CFAP20DC: variants seen among roughly 807,000 people sequenced by gnomAD.
CFAP20DC encodes protein CFAP20DC.
CFAP20DC carries 84 observed loss-of-function variants against 101.7 expected under a neutral mutation model. The observed-to-expected ratio is 0.83, with a 90% confidence interval of 0.69 to 0.99. The LOEUF (loss-of-function observed/expected upper bound fraction) is 0.99, where lower values mean the gene tolerates loss of function less well. Ranked by LOEUF, CFAP20DC falls within the 50% of genes least tolerant of loss-of-function variation. The probability of loss-of-function intolerance (pLI) is 0.00; values close to 1 mark genes in which losing one functional copy is unlikely to be tolerated. For synonymous variants in CFAP20DC, 359 were observed against 351.2 expected, an observed-to-expected ratio of 1.02 and a Z score of -0.25; for missense variants, 1,007 against 970.3, an observed-to-expected ratio of 1.04 and a Z score of -0.50.
At chr3:58,762,664 C>T (rs143922725) in intron 15 of CFAP20DC, among the ~76,000 whole-genome samples, 63 of 152,106 alleles carry the variant, frequency 4.1e-4, no homozygotes, top group South Asian at 2.3e-3. Context: ...ATGTTTTTGC[C>T]GTGGCTGGTA....
At chr3:58,836,092 C>T (rs745373367) in intron 13 of CFAP20DC, among the ~76,000 whole-genome samples, 1 of 152,126 alleles carries the variant, frequency 6.6e-6, no homozygotes, top group Non-Finnish European at 1.5e-5. Context: ...CCAAGCCATT[C>T]AATCCATTCA....
At chr3:58,742,624 C>A in intron 16 of CFAP20DC, 52 bp from the exon 17 acceptor site, 2 of 1,407,516 alleles carry the variant, frequency 1.4e-6, no homozygotes, top group Non-Finnish European at 2.0e-6. Flanking sequence ...GGCCCGGAAT[C>A]CCCAAACAAG....
rs539580189 is a variant in CFAP20DC, at chr3:58,728,135, G to A, written c.198-10507C>T. ...CATGGTATTGCATTTTGGTGAGCAT[G>A]TGCTGCATAAACAGAAAGTAGAAAG... On this transcript the variant is annotated intron_variant, in intron 3 of 3. Coordinates refer to the CFAP20DC transcript ENST00000486145. The surrounding 1 kb of genome is among the most constrained non-coding windows in gnomAD (Gnocchi z 4.7). 1 of 152,336 alleles carries A rather than the reference G, an allele frequency of 6.6e-6. No homozygotes were observed. The highest frequency in any genetic ancestry group is 1.5e-5 in the Non-Finnish European group (1 of 68,030). 9.4% of individuals were successfully genotyped at this position (152,336 alleles called of 1,614,324 possible).
At chr3:58,720,723 GTTA>G (rs1041483045) in intron 3 of CFAP20DC, among the ~76,000 whole-genome samples, 2 of 152,120 alleles carry the variant, frequency 1.3e-5, no homozygotes, top group African/African-American at 4.8e-5. Context: ...TAAGCAGAGG[GTTA>G]TTAAGTTTAA....
intron 4 of CFAP20DC, 104 bp downstream of exon 4, chr3:59,039,453 T>G (rs2094159074): frequency 3.0e-6 from 2 of 673,074 alleles, no homozygotes; most frequent in Non-Finnish European, 2.5e-6. Flanking sequence ...TCACTGCTCT[T>G]TAATGCAAAA....
chr3:58,823,936 G>A (rs939732345), intron 14 of CFAP20DC, among the ~76,000 whole-genome samples: 20 of 152,074 alleles, frequency 1.3e-4, no homozygotes, highest in Non-Finnish European at 2.4e-4. Context: ...ATCATAAAAT[G>A]TAATAGACAG....
chr3:58,829,934 T>G (rs2076286009), intron 14 of CFAP20DC, among the ~76,000 whole-genome samples: 1 of 152,200 alleles, frequency 6.6e-6, no homozygotes, highest in Admixed American at 6.6e-5. Flanking sequence ...TTTAAATGAC[T>G]GCTGCAGAGT....
intron 4 of CFAP20DC, among the ~76,000 whole-genome samples, chr3:59,003,021 G>A (rs2093349946): frequency 6.6e-6 from 1 of 151,992 alleles, no homozygotes; most frequent in Non-Finnish European, 1.5e-5. Flanking sequence ...GAATCTAAAA[G>A]ACTTATTTTA....
At chr3:58,993,934 T>C (rs1483841606) in intron 4 of CFAP20DC, among the ~76,000 whole-genome samples, 1 of 152,144 alleles carries the variant, frequency 6.6e-6, no homozygotes, top group Non-Finnish European at 1.5e-5. Context: ...TTATATTCCT[T>C]TGGGTATATA....
intron 4 of CFAP20DC, among the ~76,000 whole-genome samples, chr3:58,980,162 TA>T (rs1325576479): frequency 6.6e-6 from 1 of 152,188 alleles, no homozygotes; most frequent in Non-Finnish European, 1.5e-5. Context: ...GGCTTCCCAC[TA>T]CCGAGCTTGA....
intron 16 of CFAP20DC, among the ~76,000 whole-genome samples, chr3:58,743,793 C>T (rs1575530300): frequency 6.6e-6 from 1 of 152,196 alleles, no homozygotes; most frequent in South Asian, 2.1e-4. Flanking sequence ...TGAACATTGT[C>T]AGGACATTGA....
intron 6 of CFAP20DC, among the ~76,000 whole-genome samples, chr3:58,902,823 C>G (rs1320770818): frequency 6.6e-6 from 1 of 152,048 alleles, no homozygotes; most frequent in Non-Finnish European, 1.5e-5. Context: ...CCTACAATAC[C>G]TAATACAATG....
rs1476005797 is a variant in CFAP20DC at position 58,915,707 on chromosome 3, AC to A, written c.394-1844del. On this transcript the variant is annotated intron_variant, in intron 5 of 16. Transcript: ENST00000482387. ...CTTAGGAAAGCTTTATTTGAAAAAA[AC>A]ATTTTAAAAATTGTATTATGGTATT... 1.1e-4 allele frequency among the ~76,000 whole-genome samples: 17 copies of A among 152,150 alleles called. No homozygotes were observed. The East Asian group carries it at 2.3e-3, about 21-fold the overall frequency.
At chr3:58,934,807 G>A (rs1195696109) in intron 5 of CFAP20DC, among the ~76,000 whole-genome samples, 1 of 152,146 alleles carries the variant, frequency 6.6e-6, no homozygotes, top group Non-Finnish European at 1.5e-5. Flanking sequence ...CAAACCCACA[G>A]CCAATGTCAT....
intron 4 of CFAP20DC, among the ~76,000 whole-genome samples, chr3:59,035,822 G>C (rs1000498318): frequency 7.9e-5 from 12 of 152,142 alleles, no homozygotes; most frequent in African/African-American, 2.9e-4. Context: ...CAGAAAAAGA[G>C]GGACTCCTCC....
chr3:58,783,684 T>C (rs553259765), intron 15 of CFAP20DC, among the ~76,000 whole-genome samples: 15 of 151,830 alleles, frequency 9.9e-5, no homozygotes, highest in Non-Finnish European at 1.6e-4. Context: ...CCAACAGATA[T>C]ATGAAAAAGT....
chr3:59,010,899 C>G (rs1249503559), intron 4 of CFAP20DC, among the ~76,000 whole-genome samples: 1 of 152,030 alleles, frequency 6.6e-6, no homozygotes, highest in Non-Finnish European at 1.5e-5. Flanking sequence ...AAATTAAACT[C>G]CAAAAGGAGC....
At chr3:59,045,313 A>T (rs1408797108) in intron 3 of CFAP20DC, among the ~76,000 whole-genome samples, 1 of 152,084 alleles carries the variant, frequency 6.6e-6, no homozygotes, top group Non-Finnish European at 1.5e-5. Context: ...GTCTTTTTAT[A>T]GAGCTTCATG....
At chr3:58,770,014 A>G (rs950535881) in intron 15 of CFAP20DC, among the ~76,000 whole-genome samples, 2 of 152,160 alleles carry the variant, frequency 1.3e-5, no homozygotes, top group African/African-American at 4.8e-5. Flanking sequence ...ATACTCTATT[A>G]AATATACTTT....
Sources: allele counts gnomAD v4.1 joint callset (sites outside exome capture counted in the v4.1 genomes callset), GRCh38; gene constraint gnomAD v4.1.1; non-coding constraint Gnocchi (gnomAD v3.1); transcripts MANE v1.5; gene names NCBI Gene and HGNC (gene_info 2026-07-23, HGNC 2026-07-21).